Variants in VWA8 observed in about 807,000 individuals in gnomAD.
VWA8 encodes von Willebrand factor A domain containing 8.
A neutral mutation model predicts 241.5 loss-of-function variants in VWA8; 221 were observed. The ratio of observed to expected loss-of-function variants is 0.91; its 90% CI spans 0.82 to 1.02. The LOEUF is 1.02. VWA8 is among the 50% of genes least tolerant of loss of function. The pLI is 0.00. For synonymous variants in VWA8, 852 were observed against 827.1 expected, an observed-to-expected ratio of 1.03 and a Z score of -0.52; for missense variants, 2,322 against 2,328.7, an observed-to-expected ratio of 1.00 and a Z score of 0.06.
At chr13:41,583,315 G>A (rs1419015138) in intron 42 of VWA8, among the ~76,000 whole-genome samples, 2 of 152,064 alleles carry the variant, frequency 1.3e-5, no homozygotes, top group Non-Finnish European at 2.9e-5. Context: ...AAGTTAAATG[G>A]CACCATGAGA....
At chr13:41,710,172 C>T (rs1359780171) in intron 26 of VWA8, among the ~76,000 whole-genome samples, 1 of 152,150 alleles carries the variant, frequency 6.6e-6, no homozygotes, top group East Asian at 1.9e-4. Flanking sequence ...GTAAATTTTC[C>T]CTTTGCATTC....
At chr13:41,849,022 G>T (rs747842018) in intron 12 of VWA8, among the ~76,000 whole-genome samples, 1 of 152,200 alleles carries the variant, frequency 6.6e-6, no homozygotes, top group Non-Finnish European at 1.5e-5. Context: ...CATTCCTGGA[G>T]GCATGAGTTG....
At chr13:41,960,710 T>A in intron 1 of VWA8, 143 bp downstream of exon 1, 4 of 1,247,104 alleles carry the variant, frequency 3.2e-6, no homozygotes, top group Non-Finnish European at 4.2e-6. Flanking sequence ...AGGTCGGGAC[T>A]AGAACCTCAA....
intron 2 of VWA8, chr13:41,926,633 G>A (rs1024237425): frequency 3.5e-5 from 19 of 544,282 alleles, no homozygotes; most frequent in Admixed American, 2.7e-4. Flanking sequence ...CAATCTCTTG[G>A]AAATCACAGA....
chr13:41,721,234 T>A, intron 25 of VWA8, 136 bp downstream of exon 25: 2 of 918,468 alleles, frequency 2.2e-6, no homozygotes, highest in Non-Finnish European at 3.3e-6. Context: ...ATAACTTAGA[T>A]TATACACATT....
chr13:41,599,769 T>G, intron 40 of VWA8, among the ~76,000 whole-genome samples: 1 of 152,142 alleles, frequency 6.6e-6, no homozygotes, highest in East Asian at 1.9e-4. Flanking sequence ...GAAAAGCCAT[T>G]GCAATGGGGC....
intron 17 of VWA8, among the ~76,000 whole-genome samples, chr13:41,807,080 G>C (rs539992059): frequency 6.6e-6 from 1 of 151,678 alleles, no homozygotes; most frequent in South Asian, 2.1e-4. Flanking sequence ...CAACACATCG[G>C]AACACCAAGA....
intron 7 of VWA8, 30 bp downstream of exon 7, chr13:41,886,751 G>A: frequency 1.3e-6 from 2 of 1,540,814 alleles, no homozygotes; most frequent in Non-Finnish European, 8.8e-7. Flanking sequence ...TCAATATTCA[G>A]TGTCCAGACA....
At chr13:41,807,178 C>T (rs1870251232) in intron 17 of VWA8, among the ~76,000 whole-genome samples, 1 of 152,070 alleles carries the variant, frequency 6.6e-6, no homozygotes, top group African/African-American at 2.4e-5. Flanking sequence ...TAACAAGTAA[C>T]GAGATTGACA....
chr13:41,717,916 A>G (rs2045357856), intron 26 of VWA8, among the ~76,000 whole-genome samples: 1 of 152,030 alleles, frequency 6.6e-6, no homozygotes, highest in Non-Finnish European at 1.5e-5. Flanking sequence ...TCCAGGCTCA[A>G]AGTACTTCTG....
At chr13:41,798,019 T>A (rs1438747082) in intron 17 of VWA8, among the ~76,000 whole-genome samples, 1 of 152,198 alleles carries the variant, frequency 6.6e-6, no homozygotes, top group Non-Finnish European at 1.5e-5. Context: ...ACTGGATTTA[T>A]TGATTTATTT....
intron 19 of VWA8, among the ~76,000 whole-genome samples, chr13:41,779,043 G>A (rs565108733): frequency 4.8e-4 from 73 of 150,530 alleles, no homozygotes; most frequent in Non-Finnish European, 8.4e-4. Flanking sequence ...GGGTTTCACC[G>A]TGTTAGCCAG....
chr13:41,668,988 A>T (rs2137797197), intron 37 of VWA8, among the ~76,000 whole-genome samples: 1 of 151,844 alleles, frequency 6.6e-6, no homozygotes, highest in African/African-American at 2.4e-5. Flanking sequence ...TTTTTTTTAG[A>T]GACAGGGTCT....
intron 40 of VWA8, among the ~76,000 whole-genome samples, chr13:41,595,857 G>C (rs1316431502): frequency 6.6e-6 from 1 of 152,064 alleles, no homozygotes; most frequent in Admixed American, 6.6e-5. Flanking sequence ...GGAAATGCTG[G>C]GTCACAGAGT....
At chr13:41,585,648 G>A (rs574534158) in intron 42 of VWA8, among the ~76,000 whole-genome samples, 1 of 152,082 alleles carries the variant, frequency 6.6e-6, no homozygotes, top group African/African-American at 2.4e-5. Context: ...GGCAGATCAC[G>A]AGGTCAGGAG....
intron 2 of VWA8, among the ~76,000 whole-genome samples, chr13:41,936,587 G>A (rs1488326353): frequency 6.6e-6 from 1 of 152,116 alleles, no homozygotes; most frequent in Non-Finnish European, 1.5e-5. Context: ...TACATAGCTC[G>A]AAAATTGTAC....
intron 37 of VWA8, among the ~76,000 whole-genome samples, chr13:41,669,552 C>A (rs2045008490): frequency 6.6e-6 from 1 of 152,124 alleles, no homozygotes; most frequent in African/African-American, 2.4e-5. Context: ...AATACAAATT[C>A]ATTTTTGTAG....
At chr13:41,808,575 C>T (rs2137970821) in intron 17 of VWA8, among the ~76,000 whole-genome samples, 1 of 152,232 alleles carries the variant, frequency 6.6e-6, no homozygotes, top group African/African-American at 2.4e-5. Flanking sequence ...CATCTCCCAC[C>T]AGGCCCCACC....
At chr13:41,806,067 T>A (rs1870193346) in intron 17 of VWA8, among the ~76,000 whole-genome samples, 1 of 147,444 alleles carries the variant, frequency 6.8e-6, no homozygotes, top group South Asian at 2.2e-4. Context: ...AAACTAGAAA[T>A]CAGTAACTGG....
Sources: allele counts gnomAD v4.1 joint callset (sites outside exome capture counted in the v4.1 genomes callset), GRCh38; gene constraint gnomAD v4.1.1; transcripts MANE v1.5; gene names NCBI Gene and HGNC (gene_info 2026-07-23, HGNC 2026-07-21).